MTUS1: variants seen among roughly 807,000 people sequenced by gnomAD.
The protein encoded by MTUS1 is microtubule associated scaffold protein 1, also known as microtubule-associated tumor suppressor 1.
In MTUS1, 109 loss-of-function variants were observed where a neutral mutation model predicts 120.8. The observed-to-expected ratio is 0.90, with a 90% CI of 0.77 to 1.06. The LOEUF (loss-of-function observed/expected upper bound fraction) is 1.06, where lower values mean the gene tolerates loss of function less well. Ranked by LOEUF, MTUS1 falls within the 50% of genes least tolerant of loss-of-function variation. The pLI is 0.00. For missense variants in MTUS1, 2,210 were observed against 1,486.3 expected (o/e 1.49, Z -8.01); for synonymous variants, 737 against 550.5 (o/e 1.34, Z -4.74).
At chr8:17,665,205 T>G (rs928853892) in intron 8 of MTUS1, among the ~76,000 whole-genome samples, 2 of 152,214 alleles carry the variant, frequency 1.3e-5, no homozygotes, top group Non-Finnish European at 2.9e-5. Flanking sequence ...TTTTCTACAT[T>G]TCCAAATTAT....
chr8:17,652,227 G>A (rs1807162366), intron 12 of MTUS1, among the ~76,000 whole-genome samples: 2 of 152,176 alleles, frequency 1.3e-5, no homozygotes, highest in Admixed American at 1.3e-4. Flanking sequence ...GGACAAATGT[G>A]CCACAAGAAA....
chr8:17,654,755 A>C lies in MTUS1; in HGVS notation c.3109-89T>G, dbSNP rs1807833797. 3.4e-6 allele frequency: 3 copies of C among 870,184 alleles called. No individual in the cohort carries two copies. The South Asian group carries it at 4.1e-5, about 12-fold the overall frequency. The allele number at this position is 870,184 out of a possible 1,614,324, so 53.9% of individuals were successfully genotyped here. A position where few individuals can be genotyped will look rare whatever the true frequency, so the allele number is the denominator to read the frequency against. On this transcript the variant is annotated intron_variant, in intron 9 of 14. Transcript: ENST00000693296. ...AAGCAACCACATTAGGAGACGTCAC[A>C]GCTTCACAGGTAAGCGTGGGCTCTA...
At chr8:17,694,655 G>A (rs1057110423) in intron 6 of MTUS1, among the ~76,000 whole-genome samples, 9 of 151,858 alleles carry the variant, frequency 5.9e-5, no homozygotes, top group East Asian at 1.9e-4. Context: ...GCAACAGAGC[G>A]AGACTCCATC....
chr8:17,769,354 T>TC (rs1235574205), intron 1 of MTUS1, among the ~76,000 whole-genome samples: 1 of 149,488 alleles, frequency 6.7e-6, no homozygotes, highest in African/African-American at 2.5e-5. Flanking sequence ...TAATTTTTTT[T>TC]TTTTTTTTTT....
In MTUS1 at chr8:17,755,779, A is replaced by G. The variant is rs775430705; in HGVS notation, c.29T>C (p.Ile10Thr). 1.4e-5 allele frequency: 23 copies of G among 1,613,486 alleles called. No individual in the cohort carries two copies. The highest frequency in any genetic ancestry group is 1.8e-5 in the Non-Finnish European group (21 of 1,179,868). The change falls in exon 2 of 15, where the codon ATA becomes ACA. Residue 10 changes from isoleucine (I) to threonine (T), a missense_variant. Physicochemically the swap from Ile to Thr is moderately conservative, Grantham distance 89. Coordinates refer to ENST00000693296, the MANE Select transcript of MTUS1 (RefSeq NM_001363059.2). MTDDNSDDK[I>T]EDELQTFFTS... ...AAAGAAGGTTTGCAATTCATCTTCT[A>G]TTTTATCATCTGAATTATCATCAGT...
At chr8:17,760,148 C>T (rs760182346) in intron 1 of MTUS1, among the ~76,000 whole-genome samples, 18 of 150,538 alleles carry the variant, frequency 1.2e-4, no homozygotes, top group Non-Finnish European at 2.5e-4. Flanking sequence ...CCCAGTAGTT[C>T]ACAGCTGCAG....
intron 1 of MTUS1, among the ~76,000 whole-genome samples, chr8:17,798,028 A>T (rs147036085): frequency 6.6e-6 from 1 of 152,310 alleles, no homozygotes; most frequent in East Asian, 1.9e-4. Context: ...GACATCAACA[A>T]GTCCGTATGA....
At chr8:17,693,610 T>C (rs186859258) in intron 6 of MTUS1, among the ~76,000 whole-genome samples, 32 of 152,332 alleles carry the variant, frequency 2.1e-4, no homozygotes, top group Middle Eastern at 3.4e-3. Context: ...CATGCTGTTT[T>C]CTCTGTCGGA....
rs760730242 is a variant in MTUS1 at position 17,743,580 on chromosome 8, A to T, written c.2287+24T>A. 29 of 1,594,816 alleles carry T rather than the reference A, an allele frequency of 1.8e-5. No individual in the cohort carries two copies. The East Asian group carries it at 6.3e-4, about 35-fold the overall frequency. On this transcript the variant is annotated intron_variant, in intron 3 of 14. Coordinates refer to ENST00000693296, the MANE Select transcript of MTUS1 (RefSeq NM_001363059.2). ...AATTTTACATTCAATTAACTCATAA[A>T]CTATTGAACTATTTTATTCTTACCA...
chr8:17,744,635 G>A (rs905137847), intron 2 of MTUS1, among the ~76,000 whole-genome samples: 8 of 119,200 alleles, frequency 6.7e-5, no homozygotes, highest in Non-Finnish European at 1.3e-4. Context: ...GCTAAGTTTT[G>A]TATTTTTTTT....
rs1171947221 is a variant in MTUS1, at chr8:17,705,381, T to A, written c.2623+7833A>T. Reference sequence around the variant, plus strand: ...AGATCTTTTCTACTTAAGTCTATATTCTTAGTGTTTTAATTACTTTGTGTG... The same window carrying A: ...AGATCTTTTCTACTTAAGTCTATATACTTAGTGTTTTAATTACTTTGTGTG... On this transcript the variant is annotated intron_variant, in intron 6 of 14. Coordinates refer to ENST00000693296, the MANE Select transcript of MTUS1 (RefSeq NM_001363059.2). Among the ~76,000 whole-genome samples the A allele has an allele frequency of 2.6e-5, 4 of 152,354 alleles. No homozygotes were observed. The South Asian group carries it at 8.3e-4, about 32-fold the overall frequency.
intron 4 of MTUS1, among the ~76,000 whole-genome samples, chr8:17,721,501 A>G (rs1432642367): frequency 6.6e-6 from 1 of 152,208 alleles, no homozygotes; most frequent in East Asian, 1.9e-4. Flanking sequence ...GCTGAATTAT[A>G]TTAAGAGTGC....
chr8:17,783,794 G>A (rs183395867), intron 1 of MTUS1, among the ~76,000 whole-genome samples: 95 of 152,228 alleles, frequency 6.2e-4, no homozygotes, highest in Non-Finnish European at 6.3e-4. Context: ...AAACAATTCA[G>A]TAACATGCAG....
At chr8:17,767,964 G>A (rs2049693916) in intron 1 of MTUS1, among the ~76,000 whole-genome samples, 1 of 152,236 alleles carries the variant, frequency 6.6e-6, no homozygotes, top group Admixed American at 6.5e-5. Flanking sequence ...GGCAGTGGCA[G>A]CACGAGGCAA....
intron 3 of MTUS1, among the ~76,000 whole-genome samples, chr8:17,735,634 G>A (rs117259648): frequency 0.011 from 1,747 of 152,272 alleles, 13 homozygotes; most frequent in South Asian, 0.028. Flanking sequence ...TCCTGCAGGC[G>A]CATTCCAAAC....
intron 9 of MTUS1, chr8:17,654,929 T>C (rs1807880899): frequency 2.1e-6 from 1 of 482,014 alleles, no homozygotes; most frequent in South Asian, 3.2e-5. Context: ...TCCCCACATG[T>C]GCACACACAA....
intron 3 of MTUS1, among the ~76,000 whole-genome samples, chr8:17,731,825 C>T (rs567601556): frequency 1.7e-3 from 265 of 152,298 alleles, no homozygotes; most frequent in Non-Finnish European, 3.1e-3. Flanking sequence ...TTTTATTTAA[C>T]CTCACTGTGT....
At chr8:17,750,428 TG>T (rs1312026289) in intron 2 of MTUS1, among the ~76,000 whole-genome samples, 3 of 152,214 alleles carry the variant, frequency 2.0e-5, no homozygotes, top group Non-Finnish European at 4.4e-5. Context: ...TAAGGCAAAC[TG>T]CTCATCAATT....
At chr8:17,784,037 T>C (rs1488410717) in intron 1 of MTUS1, among the ~76,000 whole-genome samples, 4 of 152,166 alleles carry the variant, frequency 2.6e-5, no homozygotes, top group Non-Finnish European at 4.4e-5. Flanking sequence ...CCCCCAAACG[T>C]TTTAAAAGCA....
Sources: allele counts gnomAD v4.1 joint callset (sites outside exome capture counted in the v4.1 genomes callset), GRCh38; gene constraint gnomAD v4.1.1; transcripts MANE v1.5; gene names NCBI Gene and HGNC (gene_info 2026-07-23, HGNC 2026-07-21).